The following STK32B variants were observed in gnomAD, a reference collection of about 807,000 sequenced individuals.
The protein encoded by STK32B is serine/threonine-protein kinase 32B.
STK32B carries 43 observed loss-of-function variants against 52.6 expected under a neutral mutation model. The observed-to-expected ratio is 0.82, with a 90% CI of 0.64 to 1.05. The LOEUF (loss-of-function observed/expected upper bound fraction) is 1.05. Ranked by LOEUF, STK32B falls within the 50% of genes least tolerant of loss-of-function variation. The probability of loss-of-function intolerance (pLI) is 0.00; values close to 1 mark genes in which losing one functional copy is unlikely to be tolerated. For synonymous variants in STK32B, 238 were observed against 204.3 expected (o/e 1.17, Z -1.41); for missense variants, 621 against 534.6 (o/e 1.16, Z -1.59).
rs1197286441 is a variant in STK32B, at chr4:5,380,644, G to A, written c.435-17563G>A. ...TTACCAGGGTGGCTGGTGGCACAAG[G>A]CCCCACATGAAGGAGGGTCCGTGTT... On this transcript the variant is annotated intron_variant, in intron 4 of 11. Coordinates refer to ENST00000282908, the MANE Select transcript of STK32B (RefSeq NM_018401.3). This position sits in a 1 kb window ranked among gnomAD's most constrained non-coding sequence, Gnocchi z 4.3. Among the ~76,000 whole-genome samples, 4 of 152,128 alleles carry A rather than the reference G, an allele frequency of 2.6e-5. No individual in the cohort carries two copies. The highest frequency in any genetic ancestry group is 5.9e-5 in the Non-Finnish European group (4 of 68,026).
intron 3 of STK32B, among the ~76,000 whole-genome samples, chr4:5,188,285 G>A (rs1029082731): frequency 2.0e-5 from 3 of 152,174 alleles, no homozygotes; most frequent in African/African-American, 7.2e-5. Flanking sequence ...ATCCCAAAGA[G>A]CCGCAGAAAT....
intron 1 of STK32B, among the ~76,000 whole-genome samples, chr4:5,134,574 A>T (rs1715960396): frequency 6.6e-6 from 1 of 152,228 alleles, no homozygotes; most frequent in Non-Finnish European, 1.5e-5. Context: ...GCAACACAAA[A>T]CAGACTAAGG....
intron 3 of STK32B, among the ~76,000 whole-genome samples, chr4:5,173,485 G>A (rs1719565255): frequency 1.3e-5 from 2 of 152,090 alleles, no homozygotes; most frequent in Non-Finnish European, 2.9e-5. Context: ...ATGTGTCCCA[G>A]AGATTCTGGT....
chr4:5,246,925 C>A (rs1725496378), intron 3 of STK32B, among the ~76,000 whole-genome samples: 1 of 152,158 alleles, frequency 6.6e-6, no homozygotes, highest in South Asian at 2.1e-4. Flanking sequence ...CCTGATCATT[C>A]CTCTGGAAGT....
At chr4:5,444,447 G>A (rs1232474762) in intron 6 of STK32B, among the ~76,000 whole-genome samples, 4 of 152,196 alleles carry the variant, frequency 2.6e-5, no homozygotes, top group African/African-American at 7.2e-5. Context: ...GCAATGCCTC[G>A]CCCTGCTTTG....
At chr4:5,046,360 T>C in the STK32B span, among the ~76,000 whole-genome samples, 2 of 152,236 alleles carry the variant, frequency 1.3e-5, no homozygotes, top group South Asian at 2.1e-4. Context: ...TATACAAAAA[T>C]TAACTCAAGA....
intron 4 of STK32B, among the ~76,000 whole-genome samples, chr4:5,339,311 A>G (rs942265257): frequency 2.6e-5 from 4 of 152,064 alleles, no homozygotes; most frequent in African/African-American, 7.2e-5. Context: ...TCTATATTCT[A>G]TTTCTTTTGT....
intron 1 of STK32B, among the ~76,000 whole-genome samples, chr4:5,129,345 C>T (rs1577088227): frequency 6.6e-6 from 1 of 152,334 alleles, no homozygotes; most frequent in Non-Finnish European, 1.5e-5. Context: ...AAGCTGTTTT[C>T]TTCCCTCCAC....
At chr4:5,356,685 G>A (rs1365962228) in intron 4 of STK32B, among the ~76,000 whole-genome samples, 3 of 152,142 alleles carry the variant, frequency 2.0e-5, no homozygotes, top group Non-Finnish European at 4.4e-5. Context: ...ATAGGTCTCA[G>A]CACACGGTAG....
intron 1 of STK32B, among the ~76,000 whole-genome samples, chr4:5,088,544 G>C (rs1244581321): frequency 6.6e-6 from 1 of 152,016 alleles, no homozygotes; most frequent in Non-Finnish European, 1.5e-5. Context: ...CCTAGTATTT[G>C]ATCGTACAAT....
In STK32B at chr4:5,111,512, A is replaced by G. The variant is rs527871828; in HGVS notation, c.53-28393A>G. Among the ~76,000 whole-genome samples the G allele has an allele frequency of 4.6e-5, 7 of 152,282 alleles. No homozygotes were observed. The South Asian group carries it at 1.5e-3, about 32-fold the overall frequency. On this transcript the variant is annotated intron_variant, in intron 1 of 11. Coordinates refer to ENST00000282908, the MANE Select transcript of STK32B (RefSeq NM_018401.3). Reference sequence around the variant, plus strand: ...GTTATCCTAAGTGAACTAACACAGAAACAGAAAATTAAATATTACATGTTC... The same window carrying G: ...GTTATCCTAAGTGAACTAACACAGAGACAGAAAATTAAATATTACATGTTC...
At chr4:5,450,545 C>G (rs2109129999) in intron 7 of STK32B, among the ~76,000 whole-genome samples, 1 of 152,292 alleles carries the variant, frequency 6.6e-6, no homozygotes, top group East Asian at 1.9e-4. Flanking sequence ...AAGCTGCTTC[C>G]TTATAATAGA....
At chr4:5,325,183 G>C (rs987692027) in intron 3 of STK32B, among the ~76,000 whole-genome samples, 1 of 152,080 alleles carries the variant, frequency 6.6e-6, no homozygotes, top group Non-Finnish European at 1.5e-5. Context: ...AAAAATTCCT[G>C]TTCCACTTAT....
chr4:5,478,799 C>T (rs73212754), intron 11 of STK32B, among the ~76,000 whole-genome samples: 13,790 of 152,188 alleles, frequency 0.091, 1,088 homozygotes, highest in African/African-American at 0.22. Context: ...CACCGGGCTG[C>T]CTTGACTGGA....
intron 4 of STK32B, among the ~76,000 whole-genome samples, chr4:5,371,470 G>A (rs1163793807): frequency 6.6e-6 from 1 of 152,188 alleles, no homozygotes; most frequent in Non-Finnish European, 1.5e-5. Context: ...AGAAAAGCAG[G>A]TTCAGGGGAG....
chr4:5,449,270 G>T (rs1408573562), intron 7 of STK32B, among the ~76,000 whole-genome samples: 1 of 152,190 alleles, frequency 6.6e-6, no homozygotes, highest in Non-Finnish European at 1.5e-5. Flanking sequence ...TTGAACCCGG[G>T]AAGCGGAGGT....
chr4:5,307,772 A>G (rs899790614), intron 3 of STK32B, among the ~76,000 whole-genome samples: 2 of 152,222 alleles, frequency 1.3e-5, no homozygotes, highest in African/African-American at 4.8e-5. Flanking sequence ...GAGGGAAGTT[A>G]TAGGACTCAA....
At position 5,388,045 on chromosome 4, in the gene STK32B, A is replaced by G. The variant is rs554320883; in HGVS notation, c.435-10162A>G. Among the ~76,000 whole-genome samples the G allele has an allele frequency of 2.0e-5, 3 of 152,266 alleles. No homozygotes were observed. The East Asian group carries it at 5.8e-4, about 29-fold the overall frequency. ...GAGGCATGAGCCACCACTCCCGGCC[A>G]CTTCTGCCACTTTTTAACTATGACC... On this transcript the variant is annotated intron_variant, in intron 4 of 11. Coordinates refer to ENST00000282908, the MANE Select transcript of STK32B (RefSeq NM_018401.3).
intron 1 of STK32B, among the ~76,000 whole-genome samples, chr4:5,130,377 T>C (rs1004871653): frequency 1.3e-5 from 2 of 151,518 alleles, no homozygotes; most frequent in African/African-American, 4.9e-5. Flanking sequence ...GGTGACTGGG[T>C]TCTTCTAGGC....
Sources: gnomAD v4.1 joint callset for allele counts (sites outside exome capture counted in the v4.1 genomes callset) on GRCh38, gnomAD v4.1.1 for gene constraint, Gnocchi (gnomAD v3.1) non-coding constraint, MANE v1.5 for transcripts, NCBI Gene and HGNC (gene_info 2026-07-23, HGNC 2026-07-21) for gene names.